CFTR: variants seen among roughly 807,000 people sequenced by gnomAD.
CFTR encodes the protein CF transmembrane conductance regulator.
CFTR carries 181 observed loss-of-function variants against 171.6 expected under a neutral mutation model. That is an observed-to-expected ratio of 1.05 (90% CI 0.93 to 1.19). The LOEUF (loss-of-function observed/expected upper bound fraction) is 1.19. Ranked by LOEUF, CFTR falls within the 50% of genes most tolerant of loss-of-function variation. CFTR has a pLI of 0.00. For synonymous variants in CFTR, 583 were observed against 608.0 expected (o/e 0.96, Z 0.60); for missense variants, 1,968 against 1,734.7 (o/e 1.13, Z -2.39).
At chr7:117,530,067 C>T (rs370684597) in intron 3 of CFTR, among the ~76,000 whole-genome samples, 7 of 151,996 alleles carry the variant, frequency 4.6e-5, no homozygotes, top group African/African-American at 1.7e-4. Context: ...GTAATAAATT[C>T]GATGGACAAT....
chr7:117,534,194 GAATT>G (rs1413234682), intron 4 of CFTR, 78 bp from the exon 5 acceptor site: 1 of 705,650 alleles, frequency 1.4e-6, no homozygotes, highest in Admixed American at 2.1e-5. Context: ...CATAATAACT[GAATT>G]AGTCATATTA....
chr7:117,534,317 T>C lies in CFTR; in HGVS notation c.531T>C (p.Ile177=). 1 of 1,606,000 alleles carries C rather than the reference T, an allele frequency of 6.2e-7. No homozygotes were observed. Among genetic ancestry groups the C allele is most frequent in the Non-Finnish European group, 8.5e-7 (1 of 1,173,062 alleles). The change falls in exon 5 of 27, where the codon ATT becomes ATC. Residue 177 remains isoleucine (I), a synonymous_variant. Coordinates refer to ENST00000003084, the MANE Select transcript of CFTR (RefSeq NM_000492.4). ...GCCGTGTTCTAGATAAAATAAGTAT[T>C]GGACAACTTGTTAGTCTCCTTTCCA... ...LSSRVLDKIS[I]GQLVSLLSNN... is the part of the protein sequence containing the mutation.
At chr7:117,605,334 G>A (rs1792284988) in intron 17 of CFTR, among the ~76,000 whole-genome samples, 1 of 152,034 alleles carries the variant, frequency 6.6e-6, no homozygotes, top group Non-Finnish European at 1.5e-5. Context: ...ATACAAATAT[G>A]TTTAATTAAA....
In CFTR at chr7:117,610,807, A is replaced by T. The variant is rs1033036694; in HGVS notation, c.3139+138A>T. The T allele has an allele frequency of 8.6e-5, 72 of 833,198 alleles. 1 individual carries two copies. In the South Asian group the frequency reaches 9.0e-4, roughly 10 times the overall value. The allele number at this position is 833,198 out of a possible 1,614,324, so 51.6% of individuals were successfully genotyped here. ...ATAACAATAATTTTTTTCTACATGC[A>T]TGTGTATATAAAAGGAAACTATATT... On this transcript the variant is annotated intron_variant, in intron 19 of 26. Coordinates refer to ENST00000003084, the MANE Select transcript of CFTR (RefSeq NM_000492.4).
intron 7 of CFTR, among the ~76,000 whole-genome samples, chr7:117,538,747 A>T (rs1798998459): frequency 1.0e-5 from 1 of 95,388 alleles, no homozygotes; most frequent in Non-Finnish European, 1.8e-5. Flanking sequence ...CTTGCTTAAG[A>T]TGGCATAAGC....
intron 25 of CFTR, 150 bp from the exon 26 acceptor site, chr7:117,665,309 T>C (rs1457606834): frequency 3.3e-6 from 2 of 612,160 alleles, no homozygotes; most frequent in African/African-American, 1.9e-5. Context: ...GAAAAGCTGA[T>C]TGTGGCTAAC....
intron 20 of CFTR, among the ~76,000 whole-genome samples, chr7:117,614,380 T>C (rs1792451107): frequency 6.6e-6 from 1 of 152,176 alleles, no homozygotes; most frequent in African/African-American, 2.4e-5. Context: ...GGCAACACTT[T>C]CCTAATATTC....
At chr7:117,556,758 A>T (rs899949582) in intron 10 of CFTR, among the ~76,000 whole-genome samples, 1 of 150,382 alleles carries the variant, frequency 6.6e-6, no homozygotes, top group Non-Finnish European at 1.5e-5. Flanking sequence ...TGACCTCGTG[A>T]TCCGCCCGCC....
intron 11 of CFTR, among the ~76,000 whole-genome samples, chr7:117,585,627 GT>G (rs1791918652): frequency 6.6e-6 from 1 of 151,874 alleles, no homozygotes. Context: ...AGATTTAAGT[GT>G]TTTTTGTTTG....
chr7:117,528,690 C>G (rs1798801912), intron 3 of CFTR, among the ~76,000 whole-genome samples: 2 of 94,068 alleles, frequency 2.1e-5, no homozygotes, highest in Admixed American at 1.4e-4. Flanking sequence ...ACAACCCCAT[C>G]AAAAAGTGGG....
In CFTR at chr7:117,665,466, C is replaced by A. The variant is rs397508684; in HGVS notation, c.4144C>A (p.Gln1382Lys). 2.5e-6 allele frequency: 4 copies of A among 1,594,332 alleles called. No homozygotes were observed. The highest frequency in any genetic ancestry group is 3.4e-6 in the Non-Finnish European group (4 of 1,162,454). The change falls in exon 26 of 27, where the codon CAA becomes AAA. Residue 1382 changes from glutamine (Q) to lysine (K), a missense_variant. Physicochemically the swap from Gln to Lys is moderately conservative, Grantham distance 53. Coordinates refer to ENST00000003084, the MANE Select transcript of CFTR (RefSeq NM_000492.4). ...ATTTTCTTTCTTTTCTAGAACATACCAAATAATTAGAAGAACTCTAAAACA... is the reference window on the plus strand; with the variant it reads ...ATTTTCTTTCTTTTCTAGAACATACAAAATAATTAGAAGAACTCTAAAACA... ...PSAHLDPVTYQIIRRTLKQAF... is the reference protein window; with the variant it reads ...PSAHLDPVTYKIIRRTLKQAF...
chr7:117,620,073 A>G (rs943027129), intron 21 of CFTR, among the ~76,000 whole-genome samples: 1 of 111,856 alleles, frequency 8.9e-6, no homozygotes, highest in Non-Finnish European at 1.7e-5. Context: ...TCATTTCTTC[A>G]ATTTTTTTTT....
In CFTR at chr7:117,535,260, G is replaced by A. The variant is rs193922529; in HGVS notation, c.592G>A (p.Ala198Thr). 1.9e-6 allele frequency: 3 copies of A among 1,614,030 alleles called. No homozygotes were observed. The highest frequency in any genetic ancestry group is 1.7e-5 in the Admixed American group (1 of 60,004). ...TTTTATTTTCCAGGGACTTGCATTG[G>A]CACATTTCGTGTGGATCGCTCCTTT... ...LNKFDEGLAL[A>T]HFVWIAPLQV... Residue 198 changes from alanine to threonine, a missense_variant, in exon 6 of 27, where the codon GCA (alanine) becomes ACA (threonine). Physicochemically the swap from Ala to Thr is moderately conservative, Grantham distance 58. Coordinates refer to ENST00000003084, the MANE Select transcript of CFTR (RefSeq NM_000492.4).
intron 23 of CFTR, among the ~76,000 whole-genome samples, chr7:117,643,648 G>T: frequency 6.6e-6 from 1 of 152,150 alleles, no homozygotes. Flanking sequence ...AAAAGGGATT[G>T]TCAGATGATC....
At chr7:117,533,645 G>A (rs182285820) in intron 4 of CFTR, among the ~76,000 whole-genome samples, 4 of 152,002 alleles carry the variant, frequency 2.6e-5, no homozygotes, top group Admixed American at 2.6e-4. Flanking sequence ...TATGACTCTG[G>A]TTTTCCATAA....
rs145128188 is a variant in CFTR, at chr7:117,501,363, G to A, written c.54-2890G>A. Among the ~76,000 whole-genome samples the A allele has an allele frequency of 6.1e-3, 931 of 152,098 alleles. 7 individuals are homozygous for A. Among genetic ancestry groups the A allele is most frequent in the Non-Finnish European group, 8.2e-3 (557 of 67,998 alleles). ...TGATTTTTAAATTTTCAGAAAATTTGTGAGCTAATTGTTAAACATGGCCAT... is the reference window on the plus strand; with the variant it reads ...TGATTTTTAAATTTTCAGAAAATTTATGAGCTAATTGTTAAACATGGCCAT... On this transcript the variant is annotated intron_variant, in intron 1 of 26. Transcript: ENST00000003084.
chr7:117,512,894 AG>A (rs1251839329), intron 3 of CFTR, among the ~76,000 whole-genome samples: 3 of 152,210 alleles, frequency 2.0e-5, no homozygotes, highest in Non-Finnish European at 4.4e-5. Context: ...AGTGCAGCCT[AG>A]GTCAGACTAC....
At chr7:117,541,325 G>T (rs1799048939) in intron 8 of CFTR, among the ~76,000 whole-genome samples, 1 of 152,122 alleles carries the variant, frequency 6.6e-6, no homozygotes, top group Non-Finnish European at 1.5e-5. Context: ...CAGAGAAACA[G>T]ATCTAGAAAA....
chr7:117,522,623 T>C (rs1211303350), intron 3 of CFTR, among the ~76,000 whole-genome samples: 2 of 152,186 alleles, frequency 1.3e-5, no homozygotes, highest in African/African-American at 4.8e-5. Context: ...CCTTCTTACA[T>C]GCAAGCCTAA....
Sources: allele counts gnomAD v4.1 joint callset (sites outside exome capture counted in the v4.1 genomes callset), GRCh38; gene constraint gnomAD v4.1.1; transcripts MANE v1.5; gene names NCBI Gene and HGNC (gene_info 2026-07-23, HGNC 2026-07-21).